BEST3: variants seen among roughly 807,000 people sequenced by gnomAD.
BEST3 encodes the protein bestrophin 3, also known as bestrophin-3.
In BEST3, 50 loss-of-function variants were observed where a neutral mutation model predicts 47.1. That is an observed-to-expected ratio of 1.06 (90% CI 0.85 to 1.34). The LOEUF is 1.34. BEST3 is among the 40% of genes most tolerant of loss of function. BEST3 has a pLI of 0.00. For missense variants in BEST3, 765 were observed against 817.0 expected, an observed-to-expected ratio of 0.94 and a Z score of 0.78; for synonymous variants, 282 against 298.8, an observed-to-expected ratio of 0.94 and a Z score of 0.58.
At position 69,693,671 on chromosome 12, in the gene BEST3, TACCTGCTTCA is replaced by T. The variant is rs1886016384; in HGVS notation, c.474_481+2del. 1 of 1,601,982 alleles carries T rather than the reference TACCTGCTTCA, an allele frequency of 6.2e-7. No individual in the cohort carries two copies. Among genetic ancestry groups the T allele is most frequent in the South Asian group, 1.1e-5 (1 of 90,804 alleles). On this transcript the variant is annotated splice_donor_variant and coding_sequence_variant, in exon 4 of 10. Transcript: ENST00000330891. LOFTEE classifies it high-confidence loss of function. ...CCATGGAAGGAAAAGCCATTCATAG[TACCTGCTTCA>T]ACCACGTGGTCCATTGTGGGAAATC...
intron 9 of BEST3, among the ~76,000 whole-genome samples, chr12:69,657,463 T>C (rs1334225650): frequency 2.6e-5 from 4 of 152,166 alleles, no homozygotes; most frequent in African/African-American, 7.2e-5. Context: ...ATAAGCCTGT[T>C]TGGTAGTTTG....
Position 69,655,306 on chromosome 12 carries a change from T to A in BEST3, c.1608A>T (p.Pro536=), listed in dbSNP as rs752579082. 1 of 1,614,146 alleles carries A rather than the reference T, an allele frequency of 6.2e-7. No homozygotes were observed. The highest frequency in any genetic ancestry group is 1.1e-5 in the South Asian group (1 of 91,078). Residue 536 remains proline, a synonymous_variant, in exon 10 of 10, where the codon CCA becomes CCT. Coordinates refer to ENST00000330891, the MANE Select transcript of BEST3 (RefSeq NM_032735.3). Reference sequence around the variant, plus strand: ...GGCCCTGCTGCTGCTCAGTCTTGCTTGGCTGAACCCCTGTAAACTCAGAGC... The same window carrying A: ...GGCCCTGCTGCTGCTCAGTCTTGCTAGGCTGAACCCCTGTAAACTCAGAGC... The part of the protein sequence containing the change: ...ILSSEFTGVQ[P]SKTEQQQGPM...
chr12:69,661,569 A>G (rs991147524), intron 9 of BEST3: 6 of 152,202 alleles, frequency 3.9e-5, no homozygotes, highest in African/African-American at 1.4e-4. Flanking sequence ...TCTGAGGCGC[A>G]TGCGGCTATT....
At chr12:69,671,313 C>T (rs1175480911) in intron 9 of BEST3, 115 bp downstream of exon 9, 1 of 1,085,580 alleles carries the variant, frequency 9.2e-7, no homozygotes, top group Non-Finnish European at 1.3e-6. Context: ...CTACAGGTGA[C>T]ATCACAGTTG....
At position 69,672,059 on chromosome 12, in the gene BEST3, A is replaced by G. The variant is rs138605572; in HGVS notation, c.949-480T>C. Among the ~76,000 whole-genome samples, 502 of 152,342 alleles carry G rather than the reference A, an allele frequency of 3.3e-3. 2 individuals carry two copies. Among genetic ancestry groups the G allele is most frequent in the African/African-American group, 0.012 (490 of 41,580 alleles). ...TCATTTCTTTGTTTGGAAAAACATAACAAGAAGTCTATACTGCTCAGTGCT... is the reference window on the plus strand; with the variant it reads ...TCATTTCTTTGTTTGGAAAAACATAGCAAGAAGTCTATACTGCTCAGTGCT... On this transcript the variant is annotated intron_variant, in intron 8 of 9. Coordinates refer to ENST00000330891, the MANE Select transcript of BEST3 (RefSeq NM_032735.3).
At chr12:69,646,291 AG>A (rs2078337903) in intron 9 of BEST3, among the ~76,000 whole-genome samples, 1 of 152,230 alleles carries the variant, frequency 6.6e-6, no homozygotes, top group Non-Finnish European at 1.5e-5. Flanking sequence ...GATGAGCTAA[AG>A]GAAGTCCAGA....
chr12:69,666,837 A>G (rs1884253880), intron 9 of BEST3, among the ~76,000 whole-genome samples: 1 of 152,134 alleles, frequency 6.6e-6, no homozygotes, highest in Non-Finnish European at 1.5e-5. Flanking sequence ...ACACTCTCTC[A>G]TCTTTGGTTT....
downstream of BEST3, among the ~76,000 whole-genome samples, chr12:69,652,002 A>C: frequency 6.6e-6 from 1 of 152,150 alleles, no homozygotes. Flanking sequence ...GAGGCGATAC[A>C]CCATGAAGTA....
chr12:69,654,387 T>C lies in BEST3; in HGVS notation c.*520A>G. 7.1e-6 allele frequency: 7 copies of C among 985,306 alleles called. No individual in the cohort carries two copies. Among genetic ancestry groups the C allele is most frequent in the Non-Finnish European group, 8.4e-6 (7 of 829,984 alleles). The allele number at this position is 985,306 out of a possible 1,614,324, so 61.0% of individuals were successfully genotyped here. ...GAAGTGATAATAACAATAATAGTTA[T>C]AAAAGTAGGAATGAGATGGTTAGAA... On this transcript the variant is annotated 3_prime_UTR_variant, in exon 10 of 10. Transcript: ENST00000330891.
At chr12:69,693,416 A>G (rs1050470569) in intron 4 of BEST3, among the ~76,000 whole-genome samples, 3 of 151,746 alleles carry the variant, frequency 2.0e-5, no homozygotes, top group African/African-American at 7.3e-5. Context: ...GGCACACGCC[A>G]CCACGCCCGG....
At chr12:69,694,311 C>T (rs1416703877) in intron 3 of BEST3, 59 bp downstream of exon 3, 7 of 1,069,692 alleles carry the variant, frequency 6.5e-6, no homozygotes, top group East Asian at 2.5e-5. Context: ...GCAGAGTCAT[C>T]GGTGTCATCC....
At chr12:69,644,908 T>C (rs1289948265) in intron 9 of BEST3, among the ~76,000 whole-genome samples, 1 of 152,204 alleles carries the variant, frequency 6.6e-6, no homozygotes, top group Admixed American at 6.5e-5. Context: ...TACATGTAAT[T>C]TATTCAATTT....
chr12:69,685,346 A>G (rs2136014305), intron 4 of BEST3, among the ~76,000 whole-genome samples: 1 of 152,360 alleles, frequency 6.6e-6, no homozygotes, highest in South Asian at 2.1e-4. Flanking sequence ...CCTCATCTGC[A>G]CAGTGGCCCA....
intron 7 of BEST3, among the ~76,000 whole-genome samples, chr12:69,676,507 C>T (rs1364123676): frequency 2.0e-5 from 3 of 151,658 alleles, no homozygotes; most frequent in Admixed American, 6.6e-5. Flanking sequence ...TAGAGTTGAG[C>T]AGAACCAAGA....
chr12:69,654,576 G>T lies in BEST3; in HGVS notation c.*331C>A. The T allele has an allele frequency of 4.8e-6, 5 of 1,039,140 alleles. No individual in the cohort carries two copies. The highest frequency in any genetic ancestry group is 5.8e-6 in the Non-Finnish European group (5 of 862,644). 64.4% of individuals were successfully genotyped at this position (1,039,140 alleles called of 1,614,324 possible). On this transcript the variant is annotated 3_prime_UTR_variant, in exon 10 of 10. Transcript: ENST00000330891. The stretch of plus-strand genomic sequence containing the variant: ...TAGGGGATTGGACTATGATCTATGA[G>T]ACTCTTTCCACAACTAATAATCTAT...
chr12:69,674,940 C>T (rs577379144), intron 7 of BEST3, among the ~76,000 whole-genome samples: 5 of 145,226 alleles, frequency 3.4e-5, no homozygotes, highest in Admixed American at 2.1e-4. Context: ...TCTTGTTGCC[C>T]AGGCTGGAGT....
chr12:69,695,921 A>T (rs1414667590), intron 2 of BEST3, among the ~76,000 whole-genome samples: 1 of 152,208 alleles, frequency 6.6e-6, no homozygotes, highest in African/African-American at 2.4e-5. Flanking sequence ...AGATGTAGAA[A>T]TTTTAATAGC....
At chr12:69,668,193 A>G (rs1390788689) in intron 9 of BEST3, among the ~76,000 whole-genome samples, 3 of 152,212 alleles carry the variant, frequency 2.0e-5, no homozygotes. Context: ...CTTTGATTTT[A>G]GAATATCCGG....
rs1379973322 is a variant in BEST3 at position 69,678,731 on chromosome 12, A to G, written c.636+8T>C. On this transcript the variant is annotated splice_region_variant and intron_variant, in intron 5 of 9. Transcript: ENST00000330891. ...GCGTATTTTTCTTATGATTTATGATATACTTACAGTCATCAATGATTGCAG... is the reference window on the plus strand; with the variant it reads ...GCGTATTTTTCTTATGATTTATGATGTACTTACAGTCATCAATGATTGCAG... The G allele has an allele frequency of 6.2e-7, 1 of 1,613,008 alleles. No individual in the cohort carries two copies. Among genetic ancestry groups the G allele is most frequent in the African/African-American group, 1.3e-5 (1 of 74,940 alleles).
Sources: gnomAD v4.1 joint callset for allele counts (sites outside exome capture counted in the v4.1 genomes callset) on GRCh38, gnomAD v4.1.1 for gene constraint, MANE v1.5 for transcripts, NCBI Gene and HGNC (gene_info 2026-07-23, HGNC 2026-07-21) for gene names.